The following FAM135A variants were observed in gnomAD, a reference collection of about 807,000 sequenced individuals.
FAM135A encodes protein FAM135A.
FAM135A carries 79 observed loss-of-function variants against 146.8 expected under a neutral mutation model. That is an observed-to-expected ratio of 0.54 (90% confidence interval 0.45 to 0.65). The LOEUF is 0.65. FAM135A is among the 30% of genes least tolerant of loss of function. The probability of loss-of-function intolerance (pLI) is 0.00; values close to 1 mark genes in which losing one functional copy is unlikely to be tolerated. For missense variants in FAM135A, 1,623 were observed against 1,758.2 expected (o/e 0.92, Z 1.38); for synonymous variants, 562 against 603.6 (o/e 0.93, Z 1.01).
At chr6:70,483,941 G>A (rs1784179446) in intron 10 of FAM135A, among the ~76,000 whole-genome samples, 1 of 152,178 alleles carries the variant, frequency 6.6e-6, no homozygotes, top group South Asian at 2.1e-4. Context: ...CAAACACAAA[G>A]TGGTTTCCAT....
At chr6:70,414,102 CGT>C (rs1766936614) in intron 1 of FAM135A, 7 of 960,628 alleles carry the variant, frequency 7.3e-6, no homozygotes, top group Non-Finnish European at 8.7e-6. Context: ...GCGCCTCCCA[CGT>C]GTCTTTTTGC....
chr6:70,421,332 A>G (rs1768797977), intron 2 of FAM135A, among the ~76,000 whole-genome samples: 1 of 152,242 alleles, frequency 6.6e-6, no homozygotes, highest in Non-Finnish European at 1.5e-5. Flanking sequence ...ATTAAATAAA[A>G]TTAAAAATTC....
chr6:70,518,956 T>C (rs1481726932), intron 12 of FAM135A, among the ~76,000 whole-genome samples: 1 of 152,250 alleles, frequency 6.6e-6, no homozygotes, highest in African/African-American at 2.4e-5. Flanking sequence ...ATTTTGACTT[T>C]CAAACCTTAT....
At chr6:70,556,490 A>G (rs1363766248) in intron 20 of FAM135A, among the ~76,000 whole-genome samples, 1 of 152,200 alleles carries the variant, frequency 6.6e-6, no homozygotes, top group Non-Finnish European at 1.5e-5. Context: ...GTTCCCGCCT[A>G]TCTCCACACC....
intron 5 of FAM135A, among the ~76,000 whole-genome samples, chr6:70,465,798 G>A (rs1234555618): frequency 6.6e-6 from 1 of 152,160 alleles, no homozygotes; most frequent in Admixed American, 6.5e-5. Flanking sequence ...ACATCCATAA[G>A]TGCTGATCAT....
At chr6:70,489,900 A>G (rs1785539583) in intron 10 of FAM135A, among the ~76,000 whole-genome samples, 1 of 152,084 alleles carries the variant, frequency 6.6e-6, no homozygotes, top group African/African-American at 2.4e-5. Context: ...CCCAACCACA[A>G]GGCCAGGTAT....
intron 4 of FAM135A, among the ~76,000 whole-genome samples, chr6:70,443,966 T>C (rs1433438138): frequency 1.3e-5 from 2 of 152,244 alleles, no homozygotes; most frequent in Admixed American, 6.5e-5. Context: ...TTTTATACTT[T>C]ATCTGACATT....
chr6:70,549,268 A>G (rs1799393285), intron 20 of FAM135A, among the ~76,000 whole-genome samples: 1 of 152,168 alleles, frequency 6.6e-6, no homozygotes. Flanking sequence ...GAAATAGGAG[A>G]CATACTAAAA....
At chr6:70,473,401 A>G (rs888484609) in intron 5 of FAM135A, among the ~76,000 whole-genome samples, 9 of 151,916 alleles carry the variant, frequency 5.9e-5, no homozygotes, top group Non-Finnish European at 1.2e-4. Context: ...ATACACTTAC[A>G]CATACATATG....
rs375323769 is a variant in FAM135A, at chr6:70,516,096, A to T, written c.1030-6417A>T. ...TGAAAAAGTCACTTCATGTATTTTA[A>T]CCAGTTTTACAGTTGTTTGCAGAAG... On this transcript the variant is annotated intron_variant, in intron 12 of 21. Transcript: ENST00000418814. Among the ~76,000 whole-genome samples, 5 of 152,184 alleles carry T rather than the reference A, an allele frequency of 3.3e-5. No individual in the cohort carries two copies. The East Asian group carries it at 5.8e-4, about 18-fold the overall frequency.
chr6:70,441,343 G>T (rs1774424142), intron 4 of FAM135A, among the ~76,000 whole-genome samples: 1 of 152,016 alleles, frequency 6.6e-6, no homozygotes, highest in Admixed American at 6.6e-5. Context: ...AGCTGAGATG[G>T]CGCTACTGCA....
intron 4 of FAM135A, among the ~76,000 whole-genome samples, chr6:70,429,286 G>A (rs1770924860): frequency 6.6e-6 from 1 of 152,136 alleles, no homozygotes; most frequent in South Asian, 2.1e-4. Flanking sequence ...GCCGAGGCGG[G>A]CAGATCACCA....
chr6:70,431,752 G>A (rs547935498), intron 4 of FAM135A, among the ~76,000 whole-genome samples: 16 of 152,244 alleles, frequency 1.1e-4, no homozygotes, highest in African/African-American at 3.4e-4. Context: ...TGTGTAAAAA[G>A]CAATTCAGTA....
intron 20 of FAM135A, among the ~76,000 whole-genome samples, chr6:70,541,272 G>A (rs535809167): frequency 6.6e-6 from 1 of 152,060 alleles, no homozygotes; most frequent in East Asian, 1.9e-4. Flanking sequence ...GAGAGTGTTG[G>A]GGGGTAGGGT....
intron 4 of FAM135A, among the ~76,000 whole-genome samples, chr6:70,439,515 A>G (rs968237740): frequency 9.2e-5 from 14 of 152,180 alleles, no homozygotes; most frequent in Non-Finnish European, 8.8e-5. Context: ...ATTAATTGCA[A>G]ACAACATATA....
chr6:70,526,788 C>G, intron 15 of FAM135A, 90 bp downstream of exon 15: 1 of 752,848 alleles, frequency 1.3e-6, no homozygotes, highest in Non-Finnish European at 2.0e-6. Flanking sequence ...CACACACACA[C>G]ACACACACAC....
At chr6:70,493,235 G>A (rs1786450102) in intron 11 of FAM135A, among the ~76,000 whole-genome samples, 1 of 151,858 alleles carries the variant, frequency 6.6e-6, no homozygotes, top group Admixed American at 6.6e-5. Context: ...CATATAGTAT[G>A]TTAAAACTAA....
chr6:70,510,480 G>T (rs112732839), intron 12 of FAM135A, among the ~76,000 whole-genome samples: 1 of 151,906 alleles, frequency 6.6e-6, no homozygotes, highest in Non-Finnish European at 1.5e-5. Flanking sequence ...CCTGGCAACC[G>T]CTAGTCTCAT....
intron 4 of FAM135A, among the ~76,000 whole-genome samples, chr6:70,437,821 A>C (rs1386114534): frequency 6.6e-6 from 1 of 152,166 alleles, no homozygotes; most frequent in East Asian, 1.9e-4. Flanking sequence ...CTCTTTGAAA[A>C]ACAATTTCCA....
Sources: allele counts gnomAD v4.1 joint callset (sites outside exome capture counted in the v4.1 genomes callset), GRCh38; gene constraint gnomAD v4.1.1; transcripts MANE v1.5; gene names NCBI Gene and HGNC (gene_info 2026-07-23, HGNC 2026-07-21).